TMED3: variants seen among roughly 807,000 people sequenced by gnomAD.
The protein encoded by TMED3 is transmembrane emp24 domain-containing protein 3.
Under a neutral mutation model 15.0 loss-of-function variants are expected in TMED3, and 9 were observed. The observed-to-expected ratio is 0.60, with a 90% CI of 0.36 to 1.04. TMED3 has a LOEUF of 1.04. TMED3 is among the 50% of genes least tolerant of loss of function. The pLI is 0.01. For missense variants in TMED3, 267 were observed against 278.9 expected (o/e 0.96, Z 0.30); for synonymous variants, 117 against 121.4 (o/e 0.96, Z 0.24).
intron 2 of TMED3, among the ~76,000 whole-genome samples, chr15:79,364,376 G>A (rs1893188998): frequency 2.0e-5 from 3 of 151,974 alleles, no homozygotes; most frequent in South Asian, 4.2e-4. Flanking sequence ...TTCTCCGGGG[G>A]CTCTTTCTTT....
chr15:79,346,397 G>A (rs142288905), intron 2 of TMED3, among the ~76,000 whole-genome samples: 1 of 152,252 alleles, frequency 6.6e-6, no homozygotes, highest in Non-Finnish European at 1.5e-5. Flanking sequence ...CCACCATCCT[G>A]TTCTCATGAT....
rs540015048 is a variant in TMED3, at chr15:79,351,734, A to G, written c.417+37729A>G. ...TAATCCTACTCTGGGGCATCTACCCATAGGAAAAGAAGTCATTATATGAAA... is the reference window on the plus strand; with the variant it reads ...TAATCCTACTCTGGGGCATCTACCCGTAGGAAAAGAAGTCATTATATGAAA... On this transcript the variant is annotated intron_variant, in intron 2 of 2. Transcript: ENST00000424155. Among the ~76,000 whole-genome samples, 33 of 152,290 alleles carry G rather than the reference A, an allele frequency of 2.2e-4. 1 individual carries two copies. The South Asian group carries it at 3.5e-3, about 16-fold the overall frequency.
intron 2 of TMED3, among the ~76,000 whole-genome samples, chr15:79,356,997 G>A (rs1433101635): frequency 6.6e-6 from 1 of 151,934 alleles, no homozygotes; most frequent in Non-Finnish European, 1.5e-5. Flanking sequence ...CTGAAAAACA[G>A]AATGTGTAGT....
At chr15:79,394,150 G>A (rs182795092) in intron 2 of TMED3, among the ~76,000 whole-genome samples, 1 of 152,260 alleles carries the variant, frequency 6.6e-6, no homozygotes, top group East Asian at 1.9e-4. Flanking sequence ...GAGTAGGGGG[G>A]TGGGTGGACT....
intron 2 of TMED3, among the ~76,000 whole-genome samples, chr15:79,361,713 A>T (rs200433016): frequency 1.0e-3 from 59 of 56,848 alleles, no homozygotes; most frequent in African/African-American, 2.7e-3. Context: ...AAATAAAAAA[A>T]TTAAAAAAAA....
At chr15:79,327,297 A>T (rs1434830795), downstream of TMED3, among the ~76,000 whole-genome samples, 2 of 152,232 alleles carry the variant, frequency 1.3e-5, no homozygotes, top group African/African-American at 4.8e-5. Context: ...ACCAAACACT[A>T]AATCTGCCAA....
At chr15:79,313,299 T>A (rs2058725268) in intron 1 of TMED3, among the ~76,000 whole-genome samples, 1 of 152,138 alleles carries the variant, frequency 6.6e-6, no homozygotes, top group Non-Finnish European at 1.5e-5. Flanking sequence ...ATCAGCACCA[T>A]CTCAGGAAGA....
At position 79,322,431 on chromosome 15, in the gene TMED3, A is replaced by G; in HGVS notation, c.*217A>G. On this transcript the variant is annotated 3_prime_UTR_variant, in exon 3 of 3. Coordinates refer to ENST00000299705, the MANE Select transcript of TMED3 (RefSeq NM_007364.4). ...AGGCATCCGACTGCATTAAGTGTGCAGCGCTGAAAAGACATTTACAACTAG... is the reference window on the plus strand; with the variant it reads ...AGGCATCCGACTGCATTAAGTGTGCGGCGCTGAAAAGACATTTACAACTAG... The G allele has an allele frequency of 2.9e-6, 4 of 1,385,244 alleles. No homozygotes were observed. Among genetic ancestry groups the G allele is most frequent in the Non-Finnish European group, 3.7e-6 (4 of 1,072,554 alleles). 85.8% of individuals were successfully genotyped at this position (1,385,244 alleles called of 1,614,324 possible).
intron 2 of TMED3, among the ~76,000 whole-genome samples, chr15:79,331,802 C>G (rs531228696): frequency 6.6e-4 from 101 of 152,244 alleles, no homozygotes; most frequent in Middle Eastern, 6.8e-3. Flanking sequence ...TGAAAATATG[C>G]TCAACATCAC....
chr15:79,390,712 G>A lies in TMED3; in HGVS notation c.418-20688G>A, dbSNP rs192039332. On this transcript the variant is annotated intron_variant, in intron 2 of 2. Transcript: ENST00000424155. ...GTAGAATTCTGCGGTGAATCCATGT[G>A]GTTTTGGACTTTTTTTTTAATTTTT... Among the ~76,000 whole-genome samples, 826 of 151,776 alleles carry A rather than the reference G, an allele frequency of 5.4e-3. 5 individuals are homozygous for A. Among genetic ancestry groups the A allele is most frequent in the African/African-American group, 0.019 (790 of 41,418 alleles).
intron 2 of TMED3, chr15:79,382,873 TC>T (rs1435762731): frequency 8.6e-7 from 1 of 1,167,210 alleles, no homozygotes; most frequent in Non-Finnish European, 1.2e-6. Flanking sequence ...TTCATGGGTA[TC>T]TCATACTATT....
intron 2 of TMED3, among the ~76,000 whole-genome samples, chr15:79,392,001 G>A (rs1365255585): frequency 6.6e-6 from 1 of 152,104 alleles, no homozygotes; most frequent in Non-Finnish European, 1.5e-5. Flanking sequence ...TCTCTTGAAG[G>A]CAGAAGATAG....
chr15:79,404,820 C>T (rs1307915094), intron 2 of TMED3, among the ~76,000 whole-genome samples: 1 of 152,258 alleles, frequency 6.6e-6, no homozygotes, highest in Non-Finnish European at 1.5e-5. Context: ...ATGACCACCC[C>T]TGAGTGGGGA....
chr15:79,339,430 G>A (rs566952216), intron 2 of TMED3, among the ~76,000 whole-genome samples: 16 of 152,196 alleles, frequency 1.1e-4, no homozygotes, highest in African/African-American at 3.1e-4. Flanking sequence ...TCTCATCTCC[G>A]CACACGGGGA....
intron 2 of TMED3, among the ~76,000 whole-genome samples, chr15:79,395,696 CAT>C (rs1333567256): frequency 6.6e-6 from 1 of 152,146 alleles, no homozygotes; most frequent in Non-Finnish European, 1.5e-5. Flanking sequence ...AATTTACCAA[CAT>C]ATTTTATGAA....
At chr15:79,360,442 C>T (rs941618526) in intron 2 of TMED3, among the ~76,000 whole-genome samples, 21 of 152,124 alleles carry the variant, frequency 1.4e-4, no homozygotes, top group Admixed American at 2.0e-4. Context: ...ACATTCCTGA[C>T]GCATAAGAAA....
intron 2 of TMED3, among the ~76,000 whole-genome samples, chr15:79,332,274 CTG>C (rs2058812223): frequency 6.6e-6 from 1 of 152,198 alleles, no homozygotes; most frequent in South Asian, 2.1e-4. Context: ...GAATTAATAA[CTG>C]TATTAATTGA....
intron 2 of TMED3, among the ~76,000 whole-genome samples, chr15:79,328,364 C>T (rs111838981): frequency 5.9e-5 from 9 of 151,610 alleles, no homozygotes; most frequent in African/African-American, 2.2e-4. Flanking sequence ...CCCCATTTTC[C>T]TTTAATTTAT....
intron 2 of TMED3, among the ~76,000 whole-genome samples, chr15:79,319,200 G>A (rs751987296): frequency 3.3e-5 from 5 of 152,198 alleles, no homozygotes; most frequent in African/African-American, 7.2e-5. Context: ...ACCTTTCTAC[G>A]TGTGACATTT....
Sources: allele counts gnomAD v4.1 joint callset (sites outside exome capture counted in the v4.1 genomes callset), GRCh38; gene constraint gnomAD v4.1.1; transcripts MANE v1.5; gene names NCBI Gene and HGNC (gene_info 2026-07-23, HGNC 2026-07-21).